Variants in USP7 observed in about 807,000 individuals in gnomAD.
USP7 encodes ubiquitin C-terminal hydrolase 7.
Under a neutral mutation model 162.9 loss-of-function variants are expected in USP7, and 9 were observed. That is an observed-to-expected ratio of 0.06 (90% CI 0.03 to 0.10). USP7 has a LOEUF of 0.10. Among genes scored for constraint, USP7 ranks in the 10% least tolerant of loss-of-function variants. USP7 has a pLI of 1.00. For missense variants in USP7, 715 were observed against 1,373.7 expected (o/e 0.52, Z 7.58); for synonymous variants, 562 against 475.9 (o/e 1.18, Z -2.35).
At chr16:8,896,738 C>T (rs1372068375) in intron 26 of USP7, among the ~76,000 whole-genome samples, 3 of 152,176 alleles carry the variant, frequency 2.0e-5, no homozygotes, top group African/African-American at 4.8e-5. Flanking sequence ...GGAGGAAAAA[C>T]GTGGCTTAAT....
At chr16:8,905,151 A>G in intron 14 of USP7, 36 bp downstream of exon 14, 1 of 1,600,498 alleles carries the variant, frequency 6.2e-7, no homozygotes, top group Non-Finnish European at 8.6e-7. Flanking sequence ...CAAGTCCACC[A>G]CAGTAAAGAA....
intron 1 of USP7, among the ~76,000 whole-genome samples, chr16:8,955,503 A>G (rs1332278136): frequency 6.6e-6 from 1 of 152,104 alleles, no homozygotes; most frequent in Non-Finnish European, 1.5e-5. Context: ...GAGGCAGCTC[A>G]TGAGGTCAGG....
At chr16:8,931,990 T>C (rs1019203532) in intron 1 of USP7, among the ~76,000 whole-genome samples, 1 of 152,182 alleles carries the variant, frequency 6.6e-6, no homozygotes, top group Non-Finnish European at 1.5e-5. Flanking sequence ...GCCTTCACAA[T>C]TTCAGAGCCT....
chr16:8,918,970 TG>T, intron 6 of USP7, 60 bp downstream of exon 6: 1 of 1,560,352 alleles, frequency 6.4e-7, no homozygotes, highest in Non-Finnish European at 8.8e-7. Flanking sequence ...GACTTTGCTC[TG>T]ATATACCTGA....
rs1449068768 is a variant in USP7 at position 8,927,150 on chromosome 16, G to A, written c.184+3143C>T. ...AGCCTGGCCAACATAGTGAAACCCCGGCTCTACTAAAAATACAAAAAATTA... is the reference window on the plus strand; with the variant it reads ...AGCCTGGCCAACATAGTGAAACCCCAGCTCTACTAAAAATACAAAAAATTA... On this transcript the variant is annotated intron_variant, in intron 2 of 30. Coordinates refer to ENST00000344836, the MANE Select transcript of USP7 (RefSeq NM_003470.3). Among the ~76,000 whole-genome samples, 8 of 152,006 alleles carry A rather than the reference G, an allele frequency of 5.3e-5. No individual in the cohort carries two copies. In the East Asian group the frequency reaches 1.4e-3, roughly 26 times the overall value.
chr16:8,920,585 T>A (rs765726067), intron 4 of USP7, 138 bp from the exon 5 acceptor site: 21 of 701,734 alleles, frequency 3.0e-5, no homozygotes, highest in Non-Finnish European at 4.6e-5. Flanking sequence ...TTTTTGCTAA[T>A]TTTAGACTGT....
intron 2 of USP7, chr16:8,929,225 C>T (rs559703724): frequency 1.8e-4 from 61 of 332,356 alleles, no homozygotes; most frequent in African/African-American, 1.1e-3. Flanking sequence ...CTCACTCAAC[C>T]GCTTTCGGCA....
chr16:8,937,087 G>T (rs1303978141), intron 1 of USP7, among the ~76,000 whole-genome samples: 1 of 152,126 alleles, frequency 6.6e-6, no homozygotes, highest in Non-Finnish European at 1.5e-5. Flanking sequence ...ACAAGCAGGA[G>T]GAATAATTGA....
At chr16:8,911,922 C>T (rs527625207) in intron 10 of USP7, among the ~76,000 whole-genome samples, 14 of 152,220 alleles carry the variant, frequency 9.2e-5, no homozygotes, top group African/African-American at 2.9e-4. Flanking sequence ...CACCAGCCAC[C>T]GTGGAAAAAC....
intron 1 of USP7, among the ~76,000 whole-genome samples, chr16:8,947,484 A>G (rs1899342022): frequency 6.6e-6 from 1 of 152,006 alleles, no homozygotes; most frequent in Non-Finnish European, 1.5e-5. Context: ...GATTAGCTGG[A>G]CTACAGACAT....
intron 16 of USP7, among the ~76,000 whole-genome samples, 179 bp downstream of exon 16, chr16:8,903,089 G>A (rs1160297117): frequency 1.3e-5 from 2 of 152,112 alleles, no homozygotes; most frequent in Non-Finnish European, 2.9e-5. Flanking sequence ...GGAGTCAGGG[G>A]CTCAATGGTT....
Position 8,894,538 on chromosome 16 carries a change from G to C in USP7, c.3202+12C>G. ...AACCCACACCAGCCCCCGGGGGGGG[G>C]AGAACCCTTACCGGGCTGTGGCTCA... On this transcript the variant is annotated intron_variant, in intron 30 of 30. Transcript: ENST00000344836. 6.2e-7 allele frequency: 1 copy of C among 1,607,344 alleles called. No homozygotes were observed. Among genetic ancestry groups the C allele is most frequent in the South Asian group, 1.1e-5 (1 of 90,742 alleles).
chr16:8,915,126 GTTTGC>G (rs1215125513), intron 10 of USP7, 123 bp downstream of exon 10: 2 of 895,440 alleles, frequency 2.2e-6, no homozygotes, highest in Admixed American at 6.2e-5. Flanking sequence ...CCAGTGAGCT[GTTTGC>G]TTAAGATCTG....
chr16:8,947,319 T>C (rs1307577654), intron 1 of USP7, among the ~76,000 whole-genome samples: 1 of 150,814 alleles, frequency 6.6e-6, no homozygotes. Context: ...CATTACCATG[T>C]GCTGGTTTAT....
chr16:8,919,223 CAGCCTTA>C, intron 5 of USP7, 84 bp from the exon 6 acceptor site: 5 of 1,417,574 alleles, frequency 3.5e-6, no homozygotes, highest in Non-Finnish European at 5.0e-6. Flanking sequence ...GACTCAAGGT[CAGCCTTA>C]AGGAAACCGA....
rs147994518 is a variant in USP7 at position 8,902,873 on chromosome 16, T to C, written c.1840-391A>G. Among the ~76,000 whole-genome samples, 832 of 151,790 alleles carry C rather than the reference T, an allele frequency of 5.5e-3. 3 individuals are homozygous for C. The highest frequency in any genetic ancestry group is 8.1e-3 in the Non-Finnish European group (549 of 67,918). On this transcript the variant is annotated intron_variant, in intron 16 of 30. Coordinates refer to ENST00000344836, the MANE Select transcript of USP7 (RefSeq NM_003470.3). Reference sequence around the variant, plus strand: ...ACTGGGCAACAAGAGTGAAACTCTGTCTCAAAAAAAAAGAAAAAAAGACTG... The same window carrying C: ...ACTGGGCAACAAGAGTGAAACTCTGCCTCAAAAAAAAAGAAAAAAAGACTG...
chr16:8,899,532 A>C lies in USP7; in HGVS notation c.2463+72T>G, dbSNP rs2061741954. On this transcript the variant is annotated intron_variant, in intron 22 of 30. Transcript: ENST00000344836. ...CCAAAACCATGAGATAGCTTCTTCA[A>C]CAAGCATTTTAAGAAAGAAATTTGT... 32 of 1,574,350 alleles carry C rather than the reference A, an allele frequency of 2.0e-5. No homozygotes were observed. In the South Asian group the frequency reaches 3.6e-4, roughly 17 times the overall value.
At chr16:8,931,253 A>G (rs530505721) in intron 1 of USP7, among the ~76,000 whole-genome samples, 55 of 151,944 alleles carry the variant, frequency 3.6e-4, no homozygotes, top group African/African-American at 1.3e-3. Context: ...CAGTGGCGCA[A>G]TCTCAGCTCA....
At chr16:8,934,038 G>C (rs753532187) in intron 1 of USP7, among the ~76,000 whole-genome samples, 1 of 152,092 alleles carries the variant, frequency 6.6e-6, no homozygotes, top group Non-Finnish European at 1.5e-5. Flanking sequence ...GATTACAGGC[G>C]TGAAACACCA....
Sources: allele counts gnomAD v4.1 joint callset (sites outside exome capture counted in the v4.1 genomes callset), GRCh38; gene constraint gnomAD v4.1.1; transcripts MANE v1.5; gene names NCBI Gene and HGNC (gene_info 2026-07-23, HGNC 2026-07-21).